The following TAS2R1 variants were observed in gnomAD, a reference collection of about 807,000 sequenced individuals.
The protein encoded by TAS2R1 is taste 2 receptor member 1.
For missense variants in TAS2R1, 370 were observed against 353.4 expected (o/e 1.05, Z -0.38); for synonymous variants, 141 against 134.2 (o/e 1.05, Z -0.35).
At chr5:9,730,719 C>G in the TAS2R1 span, among the ~76,000 whole-genome samples, 1 of 152,076 alleles carries the variant, frequency 6.6e-6, no homozygotes, top group Non-Finnish European at 1.5e-5. Context: ...TTGGCTGTGT[C>G]CCCACCCAAA....
the TAS2R1 span, among the ~76,000 whole-genome samples, chr5:9,897,123 A>G: frequency 6.6e-6 from 1 of 152,216 alleles, no homozygotes; most frequent in Admixed American, 6.5e-5. Flanking sequence ...GGGATGTAAC[A>G]TGAGGTTTTC....
At chr5:9,685,212 G>A (rs572408218) in intron 1 of TAS2R1, among the ~76,000 whole-genome samples, 12 of 152,242 alleles carry the variant, frequency 7.9e-5, no homozygotes, top group Admixed American at 7.9e-4. Flanking sequence ...ATCCTTTATT[G>A]ATGAAAGTGC....
the TAS2R1 span, among the ~76,000 whole-genome samples, chr5:9,873,211 C>A: frequency 6.6e-6 from 1 of 152,160 alleles, no homozygotes; most frequent in Non-Finnish European, 1.5e-5. Context: ...CTGGCGCTGT[C>A]CACTGACGTC....
At chr5:9,718,111 C>T in the TAS2R1 span, among the ~76,000 whole-genome samples, 1 of 151,920 alleles carries the variant, frequency 6.6e-6, no homozygotes, top group African/African-American at 2.4e-5. Context: ...AGGCACACGC[C>T]ACCATGCCCA....
At chr5:9,690,848 G>A (rs902218940) in intron 1 of TAS2R1, among the ~76,000 whole-genome samples, 6 of 152,032 alleles carry the variant, frequency 3.9e-5, no homozygotes, top group Admixed American at 1.3e-4. Flanking sequence ...CAATCAGGAC[G>A]TAGAAGAGAG....
the TAS2R1 span, among the ~76,000 whole-genome samples, chr5:9,764,733 C>A: frequency 1.3e-5 from 2 of 152,154 alleles, no homozygotes; most frequent in African/African-American, 4.8e-5. Context: ...ATATATCAAA[C>A]AAGAGAACAT....
intron 2 of TAS2R1, among the ~76,000 whole-genome samples, chr5:9,654,434 C>A (rs1183162991): frequency 6.6e-6 from 1 of 151,552 alleles, no homozygotes; most frequent in Admixed American, 6.6e-5. Context: ...GAATTCCATG[C>A]AAGATTAAAC....
At chr5:9,752,535 C>T in the TAS2R1 span, among the ~76,000 whole-genome samples, 358 of 151,250 alleles carry the variant, frequency 2.4e-3, 1 homozygote, top group African/African-American at 7.6e-3. Flanking sequence ...CTCCCACTTA[C>T]GAATTCTTAG....
At chr5:9,834,284 G>C in the TAS2R1 span, among the ~76,000 whole-genome samples, 1 of 152,320 alleles carries the variant, frequency 6.6e-6, no homozygotes, top group Admixed American at 6.5e-5. Context: ...CTGTTTCCTC[G>C]TTTAGAAATC....
At chr5:9,711,495 A>C (rs1379979876) in intron 1 of TAS2R1, among the ~76,000 whole-genome samples, 1 of 152,156 alleles carries the variant, frequency 6.6e-6, no homozygotes, top group Non-Finnish European at 1.5e-5. Context: ...AGAATGGTGG[A>C]TGCCAGGGGC....
At chr5:9,895,896 T>C in the TAS2R1 span, among the ~76,000 whole-genome samples, 3 of 152,232 alleles carry the variant, frequency 2.0e-5, no homozygotes, top group Non-Finnish European at 4.4e-5. Flanking sequence ...AAAGCTGATA[T>C]GAACGCATCT....
At chr5:9,792,361 A>C in the TAS2R1 span, among the ~76,000 whole-genome samples, 1 of 152,186 alleles carries the variant, frequency 6.6e-6, no homozygotes, top group South Asian at 2.1e-4. Context: ...GAATGAACCC[A>C]TCTGTTCTAT....
the TAS2R1 span, among the ~76,000 whole-genome samples, chr5:9,809,505 G>A: frequency 6.6e-6 from 1 of 152,074 alleles, no homozygotes; most frequent in African/African-American, 2.4e-5. Context: ...GACACAGCAA[G>A]AAGTTATTCA....
At chr5:9,850,361 G>C in the TAS2R1 span, among the ~76,000 whole-genome samples, 1 of 152,194 alleles carries the variant, frequency 6.6e-6, no homozygotes, top group Admixed American at 6.5e-5. Flanking sequence ...TCAATTTATG[G>C]CAAGCATTCA....
At chr5:9,874,253 C>T in the TAS2R1 span, among the ~76,000 whole-genome samples, 3 of 152,132 alleles carry the variant, frequency 2.0e-5, no homozygotes, top group South Asian at 2.1e-4. Flanking sequence ...GAACTGCTCT[C>T]GCTTGAGATT....
At chr5:9,814,411 T>A in the TAS2R1 span, among the ~76,000 whole-genome samples, 2 of 152,256 alleles carry the variant, frequency 1.3e-5, no homozygotes, top group Middle Eastern at 3.4e-3. Flanking sequence ...GAGTAAAAAA[T>A]TTGGAAATCA....
At chr5:9,773,345 C>G in the TAS2R1 span, among the ~76,000 whole-genome samples, 2 of 151,832 alleles carry the variant, frequency 1.3e-5, no homozygotes, top group South Asian at 4.2e-4. Flanking sequence ...TTTTTTTGTT[C>G]TAGTTACACT....
chr5:9,814,088 A>G, the TAS2R1 span, among the ~76,000 whole-genome samples: 1 of 152,178 alleles, frequency 6.6e-6, no homozygotes, highest in African/African-American at 2.4e-5. Flanking sequence ...CATCATCATT[A>G]CAGGTAAAGT....
the TAS2R1 span, among the ~76,000 whole-genome samples, chr5:9,899,919 G>C: frequency 6.6e-6 from 1 of 152,088 alleles, no homozygotes; most frequent in African/African-American, 2.4e-5. Flanking sequence ...TGAATCAATC[G>C]ATTTGGTTGT....
Sources: allele counts gnomAD v4.1 joint callset (sites outside exome capture counted in the v4.1 genomes callset), GRCh38; gene constraint gnomAD v4.1.1; transcripts MANE v1.5; gene names NCBI Gene and HGNC (gene_info 2026-07-23, HGNC 2026-07-21).